OR1L8: variants seen among roughly 807,000 people sequenced by gnomAD.
OR1L8 encodes the protein olfactory receptor family 1 subfamily L member 8, also known as olfactory receptor 1L8.
For synonymous variants in OR1L8, 148 were observed against 147.0 expected, an observed-to-expected ratio of 1.01 and a Z score of -0.05; for missense variants, 330 against 377.4, an observed-to-expected ratio of 0.87 and a Z score of 1.04.
downstream of OR1L8, among the ~76,000 whole-genome samples, chr9:122,562,156 T>C (rs1001501591): frequency 1.3e-5 from 2 of 152,202 alleles, no homozygotes; most frequent in African/African-American, 2.4e-5. Context: ...GTGGGGAATA[T>C]TTCTTGCCAC....
the OR1L8 span, among the ~76,000 whole-genome samples, chr9:122,560,849 A>G: frequency 6.6e-6 from 1 of 151,930 alleles, no homozygotes; most frequent in African/African-American, 2.4e-5. Flanking sequence ...AGTTCTCTGT[A>G]TTTCCTGAAT....
At chr9:122,562,962 A>G (rs1191082908), downstream of OR1L8, among the ~76,000 whole-genome samples, 3 of 152,152 alleles carry the variant, frequency 2.0e-5, no homozygotes, top group Non-Finnish European at 4.4e-5. Flanking sequence ...GCTGTTGTAA[A>G]TAGTGCTGTA....
the OR1L8 span, among the ~76,000 whole-genome samples, chr9:122,550,861 A>G: frequency 6.6e-6 from 1 of 152,018 alleles, no homozygotes; most frequent in South Asian, 2.1e-4. Flanking sequence ...GACCACTTTC[A>G]TCACTCCTAT....
intron 1 of OR1L8, among the ~76,000 whole-genome samples, chr9:122,579,202 T>C (rs956377603): frequency 2.0e-5 from 3 of 152,182 alleles, no homozygotes; most frequent in Non-Finnish European, 1.5e-5. Flanking sequence ...TGTGGACTAA[T>C]TATTTGATAG....
At chr9:122,549,428 A>G in the OR1L8 span, among the ~76,000 whole-genome samples, 1 of 152,144 alleles carries the variant, frequency 6.6e-6, no homozygotes, top group East Asian at 1.9e-4. Flanking sequence ...TAGCAATGCA[A>G]ATGGACTCAC....
chr9:122,548,494 A>G, the OR1L8 span, among the ~76,000 whole-genome samples: 2 of 152,174 alleles, frequency 1.3e-5, no homozygotes, highest in Non-Finnish European at 2.9e-5. Context: ...TCAACTCAAA[A>G]TAGTCATTAT....
intron 1 of OR1L8, among the ~76,000 whole-genome samples, chr9:122,581,959 C>G (rs1398418012): frequency 6.6e-6 from 1 of 152,080 alleles, no homozygotes; most frequent in African/African-American, 2.4e-5. Flanking sequence ...AAAGACAGAA[C>G]TTTATTTCTT....
At chr9:122,551,829 C>T in the OR1L8 span, among the ~76,000 whole-genome samples, 45,753 of 151,784 alleles carry the variant, frequency 0.3, 7,426 homozygotes, top group East Asian at 0.54. Flanking sequence ...TTCTTATGCC[C>T]GGGGAAGCTG....
At chr9:122,557,447 T>A in the OR1L8 span, among the ~76,000 whole-genome samples, 1 of 152,112 alleles carries the variant, frequency 6.6e-6, no homozygotes, top group Non-Finnish European at 1.5e-5. Context: ...AAGTGCTTTT[T>A]CTGCATCTAT....
intron 4 of OR1L8, among the ~76,000 whole-genome samples, chr9:122,570,374 T>C (rs1313714533): frequency 6.6e-6 from 1 of 152,242 alleles, no homozygotes; most frequent in Admixed American, 6.5e-5. Flanking sequence ...TATATTCTTT[T>C]ACACATTGTG....
the OR1L8 span, among the ~76,000 whole-genome samples, chr9:122,555,978 A>G: frequency 5.9e-5 from 9 of 152,190 alleles, no homozygotes; most frequent in African/African-American, 1.9e-4. Context: ...TCATTATAGT[A>G]TCATACAGAA....
At chr9:122,570,250 G>A (rs1369679135) in intron 4 of OR1L8, among the ~76,000 whole-genome samples, 4 of 151,342 alleles carry the variant, frequency 2.6e-5, no homozygotes, top group African/African-American at 4.9e-5. Context: ...CTGAGGAATC[G>A]CCACACTGAC....
At chr9:122,572,990 C>T (rs956157324) in intron 3 of OR1L8, 82 bp from the exon 4 acceptor site, 1 of 152,394 alleles carries the variant, frequency 6.6e-6, no homozygotes. Flanking sequence ...CTCCCTGTTT[C>T]CTTCCTAATC....
chr9:122,572,043 G>A (rs992998796), intron 4 of OR1L8, among the ~76,000 whole-genome samples: 6 of 152,200 alleles, frequency 3.9e-5, no homozygotes, highest in African/African-American at 1.4e-4. Context: ...AGGCAAAGCC[G>A]GAGCAGGCAT....
intron 4 of OR1L8, among the ~76,000 whole-genome samples, chr9:122,568,916 C>A (rs909195215): frequency 6.6e-6 from 1 of 151,922 alleles, no homozygotes; most frequent in Non-Finnish European, 1.5e-5. Context: ...ATTTTATGAA[C>A]AAAATAAAAT....
intron 4 of OR1L8, among the ~76,000 whole-genome samples, 179 bp from the exon 5 acceptor site, chr9:122,568,868 T>C (rs1455482447): frequency 6.6e-6 from 1 of 152,178 alleles, no homozygotes; most frequent in Non-Finnish European, 1.5e-5. Context: ...TAGATCATTA[T>C]ACTACAAAAT....
chr9:122,567,711 A>T lies in OR1L8; in HGVS notation c.767T>A (p.Ile256Asn). Residue 256 changes from isoleucine (I) to asparagine (N), a missense_variant, in exon 5 of 5, where the codon ATC becomes AAC. By Grantham distance (149) the Ile-to-Asn change is moderately radical (BLOSUM62 -3). Transcript: ENST00000641027. ...TGGGGGCTGTAAATAGACACAGAAG[A>T]TGCTTCCATAAAAGAGCGTCACCAC... ...LTVVTLFYGS[I>N]FCVYLQPPST... is the part of the protein sequence containing the mutation. 1.2e-6 allele frequency: 2 copies of T among 1,614,072 alleles called. No homozygotes were observed. Among genetic ancestry groups the T allele is most frequent in the Non-Finnish European group, 1.7e-6 (2 of 1,180,008 alleles).
chr9:122,581,454 T>G (rs1256988452), intron 1 of OR1L8, among the ~76,000 whole-genome samples: 1 of 152,204 alleles, frequency 6.6e-6, no homozygotes, highest in Non-Finnish European at 1.5e-5. Flanking sequence ...TCATTATAAT[T>G]AGACTTCCAA....
chr9:122,558,956 C>G, the OR1L8 span, among the ~76,000 whole-genome samples: 4 of 151,868 alleles, frequency 2.6e-5, no homozygotes, highest in South Asian at 2.1e-4. Flanking sequence ...TTATAAGGTA[C>G]AGGGTGATAT....
Sources: gnomAD v4.1 joint callset for allele counts (sites outside exome capture counted in the v4.1 genomes callset) on GRCh38, gnomAD v4.1.1 for gene constraint, MANE v1.5 for transcripts, NCBI Gene and HGNC (gene_info 2026-07-23, HGNC 2026-07-21) for gene names.